Variants in HRK observed in about 807,000 individuals in gnomAD.
The protein encoded by HRK is harakiri, BCL2 interacting protein, also known as activator of apoptosis harakiri.
A neutral mutation model predicts 5.9 loss-of-function variants in HRK; 6 were observed. The observed-to-expected ratio is 1.02, with a 90% CI of 0.56 to 2.01. HRK has a LOEUF of 2.01. HRK is among the 30% of genes most tolerant of loss of function. HRK has a pLI of 0.00. For missense variants in HRK, 133 were observed against 128.3 expected (o/e 1.04, Z -0.18); for synonymous variants, 85 against 65.1 (o/e 1.31, Z -1.47).
rs1308740665 is a variant in HRK, at chr12:116,878,848, G to C, written c.*56+2128C>G. Among the ~76,000 whole-genome samples, 1 of 152,176 alleles carries C rather than the reference G, an allele frequency of 6.6e-6. No homozygotes were observed. Among genetic ancestry groups the C allele is most frequent in the Non-Finnish European group, 1.5e-5 (1 of 68,012 alleles). On this transcript the variant is annotated intron_variant, in intron 1 of 1. Coordinates refer to ENST00000257572, the MANE Select transcript of HRK (RefSeq NM_003806.4). This position sits in a 1 kb window ranked among gnomAD's most constrained non-coding sequence, Gnocchi z 4.4. ...CACGGAAGTAACTCTGGGGTAGAAG[G>C]CGAGGGCGGGGCGGGGGAAATAAAC...
In HRK at chr12:116,881,208, C is replaced by T; in HGVS notation, c.100G>A (p.Ala34Thr). The T allele has an allele frequency of 2.7e-6, 3 of 1,125,698 alleles. No individual in the cohort carries two copies. Among genetic ancestry groups the T allele is most frequent in the Admixed American group, 5.0e-5 (1 of 20,146 alleles). 69.7% of individuals were successfully genotyped at this position (1,125,698 alleles called of 1,614,324 possible). ...TCGCCTAGCGCCTTGAGCCGGGCGG[C>T]GGTGAGCTGCGCGGCGGACGAGCGC... ...GLRSSAAQLT[A>T]ARLKALGDEL... Residue 34 changes from alanine (A) to threonine (T), a missense_variant, in exon 1 of 2, where the codon GCC becomes ACC. Coordinates refer to ENST00000257572, the MANE Select transcript of HRK (RefSeq NM_003806.4).
At position 116,880,970 on chromosome 12, in the gene HRK, G is replaced by T; in HGVS notation, c.*56+6C>A. Reference sequence around the variant, plus strand: ...CGCCCCGGCTCTCGCTCGCTCGCTCGCGTACCTGTTGCTCGCTCCGGCTGG... The same window carrying T: ...CGCCCCGGCTCTCGCTCGCTCGCTCTCGTACCTGTTGCTCGCTCCGGCTGG... On this transcript the variant is annotated splice_donor_region_variant and intron_variant, in intron 1 of 1. Transcript: ENST00000257572. 8.3e-7 allele frequency: 1 copy of T among 1,202,030 alleles called. No homozygotes were observed. Among genetic ancestry groups the T allele is most frequent in the Non-Finnish European group, 1.1e-6 (1 of 946,862 alleles). 74.5% of individuals were successfully genotyped at this position (1,202,030 alleles called of 1,614,324 possible).
At position 116,862,755 on chromosome 12, in the gene HRK, A is replaced by C. The variant is rs1878412049; in HGVS notation, c.*57-1289T>G. ...TTGTTTGTTTGTTTGTTTTTGAGACAAGGTCTCGTTCTGTTGCCCAGGCTG... is the reference window on the plus strand; with the variant it reads ...TTGTTTGTTTGTTTGTTTTTGAGACCAGGTCTCGTTCTGTTGCCCAGGCTG... On this transcript the variant is annotated intron_variant, in intron 1 of 1. Transcript: ENST00000257572. This position sits in a 1 kb window ranked among gnomAD's most constrained non-coding sequence, Gnocchi z 4.0. 6.6e-6 allele frequency among the ~76,000 whole-genome samples: 1 copy of C among 151,668 alleles called. No homozygotes were observed.
At chr12:116,872,239 AG>A (rs1878778975) in intron 1 of HRK, among the ~76,000 whole-genome samples, 1 of 151,554 alleles carries the variant, frequency 6.6e-6, no homozygotes, top group South Asian at 2.1e-4. Flanking sequence ...GTGTGGTGGC[AG>A]GCACCTGTAA....
At position 116,862,080 on chromosome 12, in the gene HRK, A is replaced by G. The variant is rs1247442431; in HGVS notation, c.*57-614T>C. Reference sequence around the variant, plus strand: ...CATGCAGTCTGGGGAAACGTGGTCTATAGGAGCCCAGGGGAGGCAGCTCAT... The same window carrying G: ...CATGCAGTCTGGGGAAACGTGGTCTGTAGGAGCCCAGGGGAGGCAGCTCAT... On this transcript the variant is annotated intron_variant, in intron 1 of 1. Transcript: ENST00000257572. The surrounding 1 kb of genome is among the most constrained non-coding windows in gnomAD (Gnocchi z 4.0). Among the ~76,000 whole-genome samples, 2 of 152,216 alleles carry G rather than the reference A, an allele frequency of 1.3e-5. No individual in the cohort carries two copies. The highest frequency in any genetic ancestry group is 2.9e-5 in the Non-Finnish European group (2 of 68,034).
Position 116,881,378 on chromosome 12 carries a change from G to T in HRK, c.-71C>A, listed in dbSNP as rs2137257991. On this transcript the variant is annotated 5_prime_UTR_variant, in exon 1 of 2. Coordinates refer to ENST00000257572, the MANE Select transcript of HRK (RefSeq NM_003806.4). ...TCCTCTCCCTCCGGCCTCTGCGCCC[G>T]CTGCCGCCGCGCTCCAGCCGCCGGG... The T allele has an allele frequency of 9.8e-7, 1 of 1,022,908 alleles. No individual in the cohort carries two copies. The highest frequency in any genetic ancestry group is 1.2e-6 in the Non-Finnish European group (1 of 855,476). 63.4% of individuals were successfully genotyped at this position (1,022,908 alleles called of 1,614,324 possible).
chr12:116,872,836 CGGAA>C (rs952414224), intron 1 of HRK, among the ~76,000 whole-genome samples: 6 of 116,524 alleles, frequency 5.1e-5, no homozygotes, highest in African/African-American at 6.6e-5. Flanking sequence ...GAAGGAGGGA[CGGAA>C]GGAAGGAAGG....
At chr12:116,875,100 T>A (rs770336214) in intron 1 of HRK, among the ~76,000 whole-genome samples, 65 of 152,156 alleles carry the variant, frequency 4.3e-4, no homozygotes, top group Admixed American at 9.2e-4. Flanking sequence ...CAATACAGTA[T>A]AATTAGTTAC....
chr12:116,877,714 G>A (rs1259484709), intron 1 of HRK, among the ~76,000 whole-genome samples: 4 of 152,048 alleles, frequency 2.6e-5, no homozygotes, highest in African/African-American at 4.8e-5. Flanking sequence ...CCTTAATAAC[G>A]TGCCTATGCA....
intron 1 of HRK, among the ~76,000 whole-genome samples, chr12:116,866,655 C>G (rs1263082361): frequency 6.6e-6 from 1 of 152,112 alleles, no homozygotes; most frequent in African/African-American, 2.4e-5. Context: ...TATCAGTGAA[C>G]AGTTATCAAT....
rs1451369003 is a variant in HRK at position 116,875,463 on chromosome 12, C to T, written c.*56+5513G>A. Among the ~76,000 whole-genome samples, 2 of 152,166 alleles carry T rather than the reference C, an allele frequency of 1.3e-5. 1 individual carries two copies. The highest frequency in any genetic ancestry group is 4.1e-4 in the South Asian group (2 of 4,826). On this transcript the variant is annotated intron_variant, in intron 1 of 1. Transcript: ENST00000257572. The stretch of plus-strand genomic sequence containing the variant: ...CACAGTGCCCTATACACAGAAGGTA[C>T]TCAATAATTAGCAGTTGTATAAGTG...
chr12:116,868,168 C>G (rs1159698078), intron 1 of HRK, among the ~76,000 whole-genome samples: 1 of 151,342 alleles, frequency 6.6e-6, no homozygotes, highest in East Asian at 1.9e-4. Context: ...GTTGCCCAGG[C>G]TGGTCTCGAA....
At position 116,858,310 on chromosome 12, in the gene HRK, CAAAG is replaced by C. The variant is rs1484102844; in HGVS notation, c.*3209_*3212del. On this transcript the variant is annotated 3_prime_UTR_variant, in exon 2 of 2. Coordinates refer to ENST00000257572, the MANE Select transcript of HRK (RefSeq NM_003806.4). ...CTTCCTACTCAAGCTACACCAATAA[CAAAG>C]AGAATAGGAAACGGACCCCCAAATT... The C allele has an allele frequency of 3.3e-5, 5 of 151,892 alleles. No individual in the cohort carries two copies. The highest frequency in any genetic ancestry group is 2.1e-4 in the South Asian group (1 of 4,812). 9.4% of individuals were successfully genotyped at this position (151,892 alleles called of 1,614,324 possible). A position where few individuals can be genotyped will look rare whatever the true frequency, so the allele number is the denominator to read the frequency against.
chr12:116,857,082 T>C lies in HRK; in HGVS notation c.*4441A>G, dbSNP rs1878178871. ...ATAGCAGGGCTCTCAGTAAATACTA[T>C]ATAACAATCTGCCAGCAAAGCTTGG... is the stretch of plus-strand genomic sequence containing the variant. On this transcript the variant is annotated 3_prime_UTR_variant, in exon 2 of 2. Transcript: ENST00000257572. The C allele has an allele frequency of 6.6e-6, 1 of 152,210 alleles. No homozygotes were observed. Among genetic ancestry groups the C allele is most frequent in the African/African-American group, 2.4e-5 (1 of 41,444 alleles). 9.4% of individuals were successfully genotyped at this position (152,210 alleles called of 1,614,324 possible). A position where few individuals can be genotyped will look rare whatever the true frequency, so the allele number is the denominator to read the frequency against.
chr12:116,861,988 C>G (rs1226092353), intron 1 of HRK, among the ~76,000 whole-genome samples: 3 of 152,184 alleles, frequency 2.0e-5, no homozygotes, highest in Non-Finnish European at 4.4e-5. Flanking sequence ...ATTCTTGCCC[C>G]TTGAGGGGCT....
intron 1 of HRK, among the ~76,000 whole-genome samples, chr12:116,863,894 GTCTT>G (rs1878448685): frequency 6.6e-6 from 1 of 151,948 alleles, no homozygotes; most frequent in Admixed American, 6.6e-5. Context: ...TAGAGACAGG[GTCTT>G]TCTATGTTGC....
Position 116,881,392 on chromosome 12 carries a change from C to G in HRK, c.-85G>C. The stretch of plus-strand genomic sequence containing the variant: ...CCTCTGCGCCCGCTGCCGCCGCGCT[C>G]CAGCCGCCGGGGGCCTCCCCTGGAC... On this transcript the variant is annotated 5_prime_UTR_variant, in exon 1 of 2. Coordinates refer to ENST00000257572, the MANE Select transcript of HRK (RefSeq NM_003806.4). The G allele has an allele frequency of 2.0e-6, 2 of 1,018,098 alleles. No individual in the cohort carries two copies. Among genetic ancestry groups the G allele is most frequent in the Non-Finnish European group, 2.3e-6 (2 of 851,490 alleles). 63.1% of individuals were successfully genotyped at this position (1,018,098 alleles called of 1,614,324 possible). A position where few individuals can be genotyped will look rare whatever the true frequency, so the allele number is the denominator to read the frequency against.
rs1878403995 is a variant in HRK at position 116,862,606 on chromosome 12, T to C, written c.*57-1140A>G. Among the ~76,000 whole-genome samples, 1 of 152,192 alleles carries C rather than the reference T, an allele frequency of 6.6e-6. No homozygotes were observed. Among genetic ancestry groups the C allele is most frequent in the Non-Finnish European group, 1.5e-5 (1 of 68,032 alleles). The stretch of plus-strand genomic sequence containing the variant: ...GTGATACTCATGCGCATGGGGTTTC[T>C]TTCAGGGAAACGAAAATTTTCCAAA... On this transcript the variant is annotated intron_variant, in intron 1 of 1. Coordinates refer to ENST00000257572, the MANE Select transcript of HRK (RefSeq NM_003806.4). This position sits in a 1 kb window ranked among gnomAD's most constrained non-coding sequence, Gnocchi z 4.0.
rs1487959918 is a variant in HRK, at chr12:116,856,494, A to C, written c.*5029T>G. ...AATAAGTCATACAGGCCCTATTTGC[A>C]AATTCCTTGCACCTTCCCCGGGGCC... On this transcript the variant is annotated 3_prime_UTR_variant, in exon 2 of 2. Transcript: ENST00000257572. This position sits in a 1 kb window ranked among gnomAD's most constrained non-coding sequence, Gnocchi z 4.4. 17 of 152,344 alleles carry C rather than the reference A, an allele frequency of 1.1e-4. No homozygotes were observed. In the East Asian group the frequency reaches 3.1e-3, roughly 28 times the overall value. 9.4% of individuals were successfully genotyped at this position (152,344 alleles called of 1,614,324 possible). A position where few individuals can be genotyped will look rare whatever the true frequency, so the allele number is the denominator to read the frequency against.
Sources: gnomAD v4.1 joint callset for allele counts (sites outside exome capture counted in the v4.1 genomes callset) on GRCh38, gnomAD v4.1.1 for gene constraint, Gnocchi (gnomAD v3.1) non-coding constraint, MANE v1.5 for transcripts, NCBI Gene and HGNC (gene_info 2026-07-23, HGNC 2026-07-21) for gene names.